Variants in ARL15 observed in about 807,000 individuals in gnomAD.
The protein encoded by ARL15 is ADP-ribosylation factor-like protein 15.
Under a neutral mutation model 25.2 loss-of-function variants are expected in ARL15, and 19 were observed. The ratio of observed to expected loss-of-function variants is 0.75; its 90% CI spans 0.53 to 1.10. The LOEUF is 1.10. ARL15 is among the 50% of genes least tolerant of loss of function. The pLI is 0.00. For missense variants in ARL15, 220 were observed against 246.0 expected (o/e 0.89, Z 0.71); for synonymous variants, 94 against 86.8 (o/e 1.08, Z -0.46).
chr5:54,064,986 C>T (rs1336322873), intron 4 of ARL15, among the ~76,000 whole-genome samples: 2 of 152,116 alleles, frequency 1.3e-5, no homozygotes, highest in African/African-American at 4.8e-5. Context: ...CCAGGGTCAA[C>T]TCTACTCCAT....
At chr5:54,041,210 A>G (rs1044907737) in intron 4 of ARL15, among the ~76,000 whole-genome samples, 1 of 152,256 alleles carries the variant, frequency 6.6e-6, no homozygotes. Context: ...CTATTTATAG[A>G]GTAGTCAGGC....
intron 3 of ARL15, among the ~76,000 whole-genome samples, chr5:54,133,045 C>T (rs190756801): frequency 2.6e-5 from 4 of 152,130 alleles, no homozygotes; most frequent in South Asian, 2.1e-4. Flanking sequence ...TTCTAATAAG[C>T]GGTTTTGTAT....
At chr5:53,952,036 G>C (rs1471307543) in intron 4 of ARL15, among the ~76,000 whole-genome samples, 1 of 151,950 alleles carries the variant, frequency 6.6e-6, no homozygotes, top group Admixed American at 6.6e-5. Context: ...GGGAGGCCGA[G>C]GAGGGTGGAT....
chr5:54,187,729 TAAG>T (rs995304218), intron 1 of ARL15, among the ~76,000 whole-genome samples: 5 of 152,238 alleles, frequency 3.3e-5, no homozygotes, highest in Admixed American at 3.3e-4. Context: ...TTATTACATG[TAAG>T]AAGATGAGGC....
At chr5:54,181,585 G>A (rs1265818380) in intron 1 of ARL15, among the ~76,000 whole-genome samples, 2 of 152,146 alleles carry the variant, frequency 1.3e-5, no homozygotes, top group African/African-American at 4.8e-5. Flanking sequence ...TCCTTACCAA[G>A]GGCATTTTCT....
At chr5:54,218,563 C>T (rs569725221) in intron 1 of ARL15, among the ~76,000 whole-genome samples, 1 of 152,264 alleles carries the variant, frequency 6.6e-6, no homozygotes, top group South Asian at 2.1e-4. Flanking sequence ...TATTTGGGGT[C>T]ACTGTGGGTC....
chr5:54,181,067 A>G (rs984305731), intron 1 of ARL15, among the ~76,000 whole-genome samples: 3 of 152,216 alleles, frequency 2.0e-5, no homozygotes, highest in East Asian at 1.9e-4. Flanking sequence ...AAGTTAGGGC[A>G]TGTATCTGAT....
chr5:53,891,392 A>G (rs374372370), intron 4 of ARL15, among the ~76,000 whole-genome samples: 3 of 152,110 alleles, frequency 2.0e-5, no homozygotes, highest in African/African-American at 7.2e-5. Flanking sequence ...ACTGCGTGGG[A>G]CTCTGCTCTG....
At chr5:54,274,869 G>A (rs1239671217) in intron 1 of ARL15, among the ~76,000 whole-genome samples, 1 of 152,094 alleles carries the variant, frequency 6.6e-6, no homozygotes, top group Non-Finnish European at 1.5e-5. Flanking sequence ...ACTCCAGTCT[G>A]GATGACAGAG....
At chr5:54,109,469 G>A (rs917022004) in intron 4 of ARL15, among the ~76,000 whole-genome samples, 3 of 151,896 alleles carry the variant, frequency 2.0e-5, no homozygotes, top group Non-Finnish European at 4.4e-5. Context: ...ATGAAAATAA[G>A]ATTTTAAAAA....
intron 4 of ARL15, among the ~76,000 whole-genome samples, chr5:54,046,217 A>G (rs1750505949): frequency 6.6e-6 from 1 of 152,230 alleles, no homozygotes; most frequent in Non-Finnish European, 1.5e-5. Flanking sequence ...GTGGTGGCTT[A>G]CACCTGTAAT....
At chr5:53,965,792 T>C (rs368057197) in intron 4 of ARL15, among the ~76,000 whole-genome samples, 73 of 152,114 alleles carry the variant, frequency 4.8e-4, no homozygotes, top group African/African-American at 1.7e-3. Context: ...CAACCAAACA[T>C]TTTAGAAACT....
chr5:54,229,987 T>C (rs1756623179), intron 1 of ARL15, among the ~76,000 whole-genome samples: 1 of 152,156 alleles, frequency 6.6e-6, no homozygotes, highest in South Asian at 2.1e-4. Context: ...AGGAGAGACC[T>C]GTGGTGACTA....
intron 4 of ARL15, among the ~76,000 whole-genome samples, chr5:53,962,104 A>T (rs993402560): frequency 8.5e-5 from 13 of 152,188 alleles, no homozygotes; most frequent in African/African-American, 2.4e-4. Flanking sequence ...TACTGATGGT[A>T]AGAGTATAGG....
chr5:54,122,008 G>A (rs976348167), intron 3 of ARL15, among the ~76,000 whole-genome samples: 3 of 152,156 alleles, frequency 2.0e-5, no homozygotes, highest in African/African-American at 7.2e-5. Flanking sequence ...ACTCAAGTTA[G>A]CTCAGTACCT....
chr5:54,132,248 T>C (rs1223165135), intron 3 of ARL15, among the ~76,000 whole-genome samples: 1 of 152,088 alleles, frequency 6.6e-6, no homozygotes, highest in African/African-American at 2.4e-5. Flanking sequence ...TATACTACCA[T>C]ATAGTATAAG....
At chr5:54,298,599 T>C (rs1481543201) in intron 1 of ARL15, among the ~76,000 whole-genome samples, 1 of 152,014 alleles carries the variant, frequency 6.6e-6, no homozygotes, top group Admixed American at 6.6e-5. Context: ...GGTGAATGTC[T>C]CATAAAACAT....
intron 4 of ARL15, among the ~76,000 whole-genome samples, chr5:53,928,734 G>C (rs1325049498): frequency 1.3e-5 from 2 of 152,160 alleles, no homozygotes; most frequent in African/African-American, 4.8e-5. Context: ...TGGCTGTCGG[G>C]TGATTGGTTC....
At chr5:54,176,349 T>C (rs1031189450) in intron 1 of ARL15, among the ~76,000 whole-genome samples, 2 of 152,244 alleles carry the variant, frequency 1.3e-5, no homozygotes, top group Non-Finnish European at 2.9e-5. Flanking sequence ...AACAGTATGC[T>C]ACTTCCAATG....
Sources: gnomAD v4.1 joint callset for allele counts (sites outside exome capture counted in the v4.1 genomes callset) on GRCh38, gnomAD v4.1.1 for gene constraint, MANE v1.5 for transcripts, NCBI Gene and HGNC (gene_info 2026-07-23, HGNC 2026-07-21) for gene names.